The following PRKAR1B variants were observed in gnomAD, a reference collection of about 807,000 sequenced individuals.
PRKAR1B encodes cAMP-dependent protein kinase type I-beta regulatory subunit.
A neutral mutation model predicts 46.5 loss-of-function variants in PRKAR1B; 22 were observed. That is an observed-to-expected ratio of 0.47 (90% CI 0.34 to 0.68). The LOEUF is 0.68. Ranked by LOEUF, PRKAR1B falls within the 30% of genes least tolerant of loss-of-function variation. The probability of loss-of-function intolerance (pLI) is 0.01; values close to 1 mark genes in which losing one functional copy is unlikely to be tolerated. For missense variants in PRKAR1B, 445 were observed against 535.6 expected, an observed-to-expected ratio of 0.83 and a Z score of 1.67; for synonymous variants, 259 against 217.7, an observed-to-expected ratio of 1.19 and a Z score of -1.67.
chr7:681,970 C>T (rs995410665), intron 2 of PRKAR1B, among the ~76,000 whole-genome samples: 1 of 152,102 alleles, frequency 6.6e-6, no homozygotes, highest in African/African-American at 2.4e-5. Context: ...GAGGACACAC[C>T]GGGCCCTGAG....
chr7:588,677 G>C (rs62638845), intron 7 of PRKAR1B, among the ~76,000 whole-genome samples: 6,701 of 37,584 alleles, frequency 0.18, 8 homozygotes, highest in Middle Eastern at 0.32. Context: ...CAGTGGTGAT[G>C]ACGATGATGG....
At chr7:597,001 G>A (rs939594530) in intron 6 of PRKAR1B, among the ~76,000 whole-genome samples, 4 of 152,240 alleles carry the variant, frequency 2.6e-5, no homozygotes, top group Admixed American at 6.5e-5. Context: ...CGGGTGGGCC[G>A]CCGCCCCCGC....
chr7:556,730 C>A (rs1415329926), intron 9 of PRKAR1B, among the ~76,000 whole-genome samples: 1 of 152,174 alleles, frequency 6.6e-6, no homozygotes, highest in Non-Finnish European at 1.5e-5. Context: ...ACCTCCGGCA[C>A]GTCGACCCTC....
chr7:701,265 GAAAAAAGA>G (rs775240353), intron 2 of PRKAR1B, among the ~76,000 whole-genome samples: 4 of 136,128 alleles, frequency 2.9e-5, no homozygotes, highest in Non-Finnish European at 6.5e-5. Flanking sequence ...AAGAAAGAAG[GAAAAAAGA>G]AAGAAAGAAA....
At chr7:614,654 A>G (rs1157507572) in intron 4 of PRKAR1B, among the ~76,000 whole-genome samples, 1 of 152,138 alleles carries the variant, frequency 6.6e-6, no homozygotes. Flanking sequence ...CTCACGGCCT[A>G]TAATCCCAGC....
At chr7:640,482 G>T (rs973691620) in intron 4 of PRKAR1B, among the ~76,000 whole-genome samples, 1 of 152,178 alleles carries the variant, frequency 6.6e-6, no homozygotes, top group Non-Finnish European at 1.5e-5. Flanking sequence ...CCACAAAGAG[G>T]CTGGGCGCGG....
intron 2 of PRKAR1B, among the ~76,000 whole-genome samples, chr7:684,813 C>A (rs1251566537): frequency 6.6e-6 from 1 of 152,024 alleles, no homozygotes; most frequent in African/African-American, 2.4e-5. Flanking sequence ...CCATCACCCA[C>A]CCTCAACCAT....
chr7:622,023 C>T (rs1402522873), intron 4 of PRKAR1B, among the ~76,000 whole-genome samples: 1 of 152,274 alleles, frequency 6.6e-6, no homozygotes, highest in African/African-American at 2.4e-5. Flanking sequence ...CTCAGCCAGT[C>T]TCTTCACCAC....
chr7:655,942 A>C (rs1785164491), intron 4 of PRKAR1B, among the ~76,000 whole-genome samples: 1 of 152,180 alleles, frequency 6.6e-6, no homozygotes, highest in African/African-American at 2.4e-5. Flanking sequence ...CTGGGATACA[A>C]GGTCTGCCCC....
chr7:617,220 C>A (rs1782873447), intron 4 of PRKAR1B, among the ~76,000 whole-genome samples: 1 of 151,826 alleles, frequency 6.6e-6, no homozygotes, highest in African/African-American at 2.4e-5. Context: ...GTCTCGAACT[C>A]CTGACCTCAT....
At chr7:557,242 CCCTT>C (rs1778503962) in intron 9 of PRKAR1B, among the ~76,000 whole-genome samples, 1 of 152,150 alleles carries the variant, frequency 6.6e-6, no homozygotes, top group African/African-American at 2.4e-5. Context: ...GGGTTCGAAT[CCCTT>C]CCTCACGTCT....
chr7:553,321 C>T (rs990094828), intron 9 of PRKAR1B, among the ~76,000 whole-genome samples: 7 of 152,214 alleles, frequency 4.6e-5, no homozygotes, highest in East Asian at 1.9e-4. Flanking sequence ...CCCTGCACGC[C>T]GCCGGCCTCA....
intron 4 of PRKAR1B, among the ~76,000 whole-genome samples, chr7:615,689 G>T (rs540756315): frequency 1.3e-4 from 20 of 148,844 alleles, no homozygotes; most frequent in Non-Finnish European, 2.8e-4. Context: ...TTAGCCGGGC[G>T]TGGTGGCAGG....
At chr7:550,827 A>G (rs1025492655) in intron 10 of PRKAR1B, among the ~76,000 whole-genome samples, 3 of 152,170 alleles carry the variant, frequency 2.0e-5, no homozygotes, top group Non-Finnish European at 4.4e-5. Flanking sequence ...TCAGCTAGCC[A>G]TTGTCCTGCA....
At chr7:576,237 G>A (rs150416006) in intron 9 of PRKAR1B, among the ~76,000 whole-genome samples, 58 of 151,610 alleles carry the variant, frequency 3.8e-4, no homozygotes, top group African/African-American at 1.2e-3. Context: ...CTCTGCACAC[G>A]GGCGGGTGTG....
chr7:617,866 CG>C (rs1456394663), intron 4 of PRKAR1B, among the ~76,000 whole-genome samples: 1 of 152,192 alleles, frequency 6.6e-6, no homozygotes, highest in Non-Finnish European at 1.5e-5. Flanking sequence ...AGCCTCTATC[CG>C]GGCAAAGGGC....
intron 2 of PRKAR1B, among the ~76,000 whole-genome samples, chr7:684,568 C>T (rs982658048): frequency 2.0e-5 from 3 of 152,112 alleles, no homozygotes; most frequent in African/African-American, 7.2e-5. Context: ...CAGGTTCTCC[C>T]GGATCCACGG....
intron 4 of PRKAR1B, among the ~76,000 whole-genome samples, chr7:611,555 C>G (rs1384703212): frequency 2.0e-5 from 3 of 152,258 alleles, no homozygotes; most frequent in East Asian, 1.9e-4. Flanking sequence ...CCTGCAACAC[C>G]TCAGTTCCTG....
chr7:629,403 C>A (rs1479614712), intron 4 of PRKAR1B, among the ~76,000 whole-genome samples: 1 of 133,624 alleles, frequency 7.5e-6, no homozygotes. Context: ...CCGAGGGCGC[C>A]ACCACCCCAA....
Sources: gnomAD v4.1 joint callset for allele counts (sites outside exome capture counted in the v4.1 genomes callset) on GRCh38, gnomAD v4.1.1 for gene constraint, MANE v1.5 for transcripts, NCBI Gene and HGNC (gene_info 2026-07-23, HGNC 2026-07-21) for gene names.